The following GRM1 variants were observed in gnomAD, a reference collection of about 807,000 sequenced individuals.
GRM1 encodes glutamate metabotropic receptor 1.
In GRM1, 33 loss-of-function variants were observed where a neutral mutation model predicts 90.9. That is an observed-to-expected ratio of 0.36 (90% CI 0.28 to 0.49). The LOEUF (loss-of-function observed/expected upper bound fraction) is 0.49, where lower values mean the gene tolerates loss of function less well. Ranked by LOEUF, GRM1 falls within the 20% of genes least tolerant of loss-of-function variation. The pLI, the probability that GRM1 is intolerant of heterozygous loss-of-function variation, is 0.99. For missense variants in GRM1, 1,190 were observed against 1,534.3 expected, an observed-to-expected ratio of 0.78 and a Z score of 3.75; for synonymous variants, 700 against 613.2, an observed-to-expected ratio of 1.14 and a Z score of -2.09.
intron 1 of GRM1, among the ~76,000 whole-genome samples, chr6:146,139,432 T>C (rs60241354): frequency 6.6e-6 from 1 of 152,306 alleles, no homozygotes; most frequent in African/African-American, 2.4e-5. Flanking sequence ...TAGTTATTAT[T>C]GTACTGGAAT....
At chr6:146,210,760 A>G (rs577308335) in intron 2 of GRM1, among the ~76,000 whole-genome samples, 3 of 152,258 alleles carry the variant, frequency 2.0e-5, no homozygotes, top group Non-Finnish European at 4.4e-5. Flanking sequence ...CTTTATTCTG[A>G]ATTGATAGTT....
intron 3 of GRM1, among the ~76,000 whole-genome samples, chr6:146,340,788 C>T (rs1784946285): frequency 6.6e-6 from 1 of 152,170 alleles, no homozygotes; most frequent in African/African-American, 2.4e-5. Context: ...TCGTGATCTG[C>T]CTGCCTCAGC....
chr6:146,425,948 T>C (rs1484298033), intron 7 of GRM1, among the ~76,000 whole-genome samples: 1 of 152,210 alleles, frequency 6.6e-6, no homozygotes, highest in Non-Finnish European at 1.5e-5. Flanking sequence ...TCCTAGGTGC[T>C]GTATAAGGAG....
intron 3 of GRM1, among the ~76,000 whole-genome samples, chr6:146,343,520 C>T (rs866457118): frequency 1.3e-5 from 2 of 151,968 alleles, no homozygotes; most frequent in Admixed American, 6.5e-5. Context: ...TTATTTTATA[C>T]CCTGGATTAT....
At position 146,399,769 on chromosome 6, in the gene GRM1, C is replaced by T; in HGVS notation, c.2660+70C>T. ...TGTCTCTTTCTCTCTCTCTCTCTCT[C>T]TCTCTTTCTCTGTCTCTCATATCTT... On this transcript the variant is annotated intron_variant, in intron 7 of 7. Coordinates refer to ENST00000282753, the MANE Select transcript of GRM1 (RefSeq NM_001278064.2). This position sits in a 1 kb window ranked among gnomAD's most constrained non-coding sequence, Gnocchi z 5.4. The T allele has an allele frequency of 1.9e-6, 2 of 1,052,454 alleles. No individual in the cohort carries two copies. Among genetic ancestry groups the T allele is most frequent in the Non-Finnish European group, 2.8e-6 (2 of 706,280 alleles). The allele number at this position is 1,052,454 out of a possible 1,614,324, so 65.2% of individuals were successfully genotyped here.
intron 2 of GRM1, among the ~76,000 whole-genome samples, chr6:146,247,782 GT>G (rs1781119272): frequency 8.5e-6 from 1 of 117,718 alleles, no homozygotes; most frequent in East Asian, 2.1e-4. Context: ...TGTGTGTGGT[GT>G]GTGTGTGTGT....
chr6:146,272,140 A>AT (rs1200012506), intron 2 of GRM1, among the ~76,000 whole-genome samples: 1 of 152,194 alleles, frequency 6.6e-6, no homozygotes, highest in Non-Finnish European at 1.5e-5. Flanking sequence ...TAAAGTAAGC[A>AT]TTTGGCTATT....
At chr6:146,335,446 C>T (rs1386875812) in intron 3 of GRM1, among the ~76,000 whole-genome samples, 3 of 152,114 alleles carry the variant, frequency 2.0e-5, no homozygotes, top group African/African-American at 7.2e-5. Flanking sequence ...GAATGCCTCC[C>T]TAGGAAAGTT....
chr6:146,180,976 A>T (rs981891218), intron 2 of GRM1, among the ~76,000 whole-genome samples: 2 of 152,190 alleles, frequency 1.3e-5, no homozygotes, highest in African/African-American at 4.8e-5. Flanking sequence ...CCTCAATGTG[A>T]TAACACACTT....
chr6:146,150,292 A>G (rs1239616538), intron 1 of GRM1, among the ~76,000 whole-genome samples: 1 of 152,226 alleles, frequency 6.6e-6, no homozygotes, highest in Non-Finnish European at 1.5e-5. Flanking sequence ...AATTTAGGTA[A>G]AAAAGAATTT....
At chr6:146,045,477 C>T (rs1024980626) in intron 1 of GRM1, among the ~76,000 whole-genome samples, 1 of 151,866 alleles carries the variant, frequency 6.6e-6, no homozygotes, top group African/African-American at 2.4e-5. Context: ...ACTGTAGACA[C>T]TTGGTACACA....
chr6:146,109,331 C>A (rs1191664605), intron 1 of GRM1, among the ~76,000 whole-genome samples: 1 of 152,212 alleles, frequency 6.6e-6, no homozygotes, highest in African/African-American at 2.4e-5. Flanking sequence ...CCACTCCAGC[C>A]TGGGCTGAAA....
intron 1 of GRM1, among the ~76,000 whole-genome samples, chr6:146,035,545 A>G (rs1790859800): frequency 6.6e-6 from 1 of 151,998 alleles, no homozygotes; most frequent in African/African-American, 2.4e-5. Flanking sequence ...ATTTACATTT[A>G]AAACATTTTA....
intron 2 of GRM1, among the ~76,000 whole-genome samples, chr6:146,228,875 C>T (rs1447459274): frequency 6.6e-6 from 1 of 152,092 alleles, no homozygotes; most frequent in Admixed American, 6.6e-5. Context: ...TAATTCCATA[C>T]TCCTTGCTTT....
At position 146,344,947 on chromosome 6, in the gene GRM1, G is replaced by A. The variant is rs1785122781; in HGVS notation, c.1187-7303G>A. Among the ~76,000 whole-genome samples the A allele has an allele frequency of 3.3e-5, 5 of 152,102 alleles. No individual in the cohort carries two copies. The South Asian group carries it at 1.0e-3, about 32-fold the overall frequency. On this transcript the variant is annotated intron_variant, in intron 3 of 7. Transcript: ENST00000282753. ...CTGCCTCAGCCTCCCTAGTAGCTGG[G>A]ATTCCAGGCATGCCCCAATATGCCT...
At chr6:146,257,985 C>T (rs539912884) in intron 2 of GRM1, among the ~76,000 whole-genome samples, 159 of 103,706 alleles carry the variant, frequency 1.5e-3, no homozygotes, top group African/African-American at 5.6e-3. Context: ...TTTGTTCTTC[C>T]GTAAAAAAAA....
chr6:146,379,614 C>T (rs1173792218), intron 5 of GRM1, among the ~76,000 whole-genome samples: 2 of 152,056 alleles, frequency 1.3e-5, no homozygotes, highest in African/African-American at 4.8e-5. Context: ...TCATGTTTTC[C>T]TGGATGGTGT....
At chr6:146,268,298 C>G (rs1781994103) in intron 2 of GRM1, among the ~76,000 whole-genome samples, 1 of 152,200 alleles carries the variant, frequency 6.6e-6, no homozygotes, top group Admixed American at 6.5e-5. Context: ...CACTTTACCT[C>G]ACTGAGTCCT....
intron 1 of GRM1, among the ~76,000 whole-genome samples, chr6:146,158,829 C>T (rs2128890740): frequency 6.6e-6 from 1 of 152,286 alleles, no homozygotes; most frequent in East Asian, 1.9e-4. Flanking sequence ...AGCCCTATAG[C>T]TGTTTCTGGT....
Sources: gnomAD v4.1 joint callset for allele counts (sites outside exome capture counted in the v4.1 genomes callset) on GRCh38, gnomAD v4.1.1 for gene constraint, Gnocchi (gnomAD v3.1) non-coding constraint, MANE v1.5 for transcripts, NCBI Gene and HGNC (gene_info 2026-07-23, HGNC 2026-07-21) for gene names.